Variants in SLC41A3 observed in about 807,000 individuals in gnomAD.
The protein encoded by SLC41A3 is solute carrier family 41 member 3.
A neutral mutation model predicts 45.4 loss-of-function variants in SLC41A3; 44 were observed. The ratio of observed to expected loss-of-function variants is 0.97; its 90% CI spans 0.76 to 1.25. SLC41A3 has a LOEUF of 1.25. Ranked by LOEUF, SLC41A3 falls within the 50% of genes most tolerant of loss-of-function variation. SLC41A3 has a pLI of 0.00. For missense variants in SLC41A3, 550 were observed against 600.6 expected, an observed-to-expected ratio of 0.92 and a Z score of 0.88; for synonymous variants, 256 against 252.4, an observed-to-expected ratio of 1.01 and a Z score of -0.13.
At chr3:126,048,208 G>C (rs192252441) in intron 3 of SLC41A3, among the ~76,000 whole-genome samples, 1 of 152,162 alleles carries the variant, frequency 6.6e-6, no homozygotes, top group Admixed American at 6.5e-5. Flanking sequence ...TTACAACATT[G>C]ACTTTTGCCA....
At chr3:126,044,137 G>C (rs1942787208) in intron 3 of SLC41A3, among the ~76,000 whole-genome samples, 1 of 152,186 alleles carries the variant, frequency 6.6e-6, no homozygotes, top group African/African-American at 2.4e-5. Context: ...AGCAAAAGAG[G>C]GCAGAGGTGG....
rs147244806 is a variant in SLC41A3 at position 126,044,419 on chromosome 3, A to G, written c.381+6524T>C. 1.4e-4 allele frequency among the ~76,000 whole-genome samples: 22 copies of G among 152,372 alleles called. 3 individuals are homozygous for G. The highest frequency in any genetic ancestry group is 5.3e-4 in the African/African-American group (22 of 41,592). On this transcript the variant is annotated intron_variant, in intron 3 of 10. Coordinates refer to ENST00000360370, the MANE Select transcript of SLC41A3 (RefSeq NM_017836.4). Reference sequence around the variant, plus strand: ...TACAACAACCAGACAGAAGATCAGTAAGGAAACAGACGGTTTGAATAACAC... The same window carrying G: ...TACAACAACCAGACAGAAGATCAGTGAGGAAACAGACGGTTTGAATAACAC...
At chr3:126,083,627 G>A (rs1297365697) in intron 1 of SLC41A3, among the ~76,000 whole-genome samples, 1 of 152,006 alleles carries the variant, frequency 6.6e-6, no homozygotes, top group Non-Finnish European at 1.5e-5. Flanking sequence ...GCGCGCGGGC[G>A]CTGCAGGAGT....
chr3:126,013,786 T>C (rs1388009823), intron 8 of SLC41A3, among the ~76,000 whole-genome samples: 3 of 152,106 alleles, frequency 2.0e-5, no homozygotes, highest in African/African-American at 4.8e-5. Flanking sequence ...CCCACATTCA[T>C]AGATGCTTTG....
chr3:126,087,345 A>G (rs1359532666), upstream of SLC41A3, among the ~76,000 whole-genome samples: 3 of 152,114 alleles, frequency 2.0e-5, no homozygotes, highest in Admixed American at 6.5e-5. Context: ...AGTTTTTGTT[A>G]ATAATCCAGG....
At chr3:126,012,919 G>A (rs1368065151) in intron 8 of SLC41A3, among the ~76,000 whole-genome samples, 170 bp from the exon 9 acceptor site, 1 of 152,146 alleles carries the variant, frequency 6.6e-6, no homozygotes, top group Non-Finnish European at 1.5e-5. Context: ...GCAAGTCAGG[G>A]TGGCCCAGAG....
chr3:126,083,158 T>A (rs1945248293), intron 1 of SLC41A3, among the ~76,000 whole-genome samples: 1 of 151,920 alleles, frequency 6.6e-6, no homozygotes, highest in Non-Finnish European at 1.5e-5. Flanking sequence ...AGCCCTAAGG[T>A]TTCAGATCAA....
At chr3:126,035,031 C>A (rs892529213) in intron 3 of SLC41A3, among the ~76,000 whole-genome samples, 1 of 152,068 alleles carries the variant, frequency 6.6e-6, no homozygotes, top group Non-Finnish European at 1.5e-5. Context: ...GGAAGTGAGA[C>A]CAAGAGGTAA....
At chr3:126,017,623 G>C (rs1940437668) in intron 6 of SLC41A3, among the ~76,000 whole-genome samples, 1 of 152,206 alleles carries the variant, frequency 6.6e-6, no homozygotes, top group Non-Finnish European at 1.5e-5. Context: ...GACAGAACAA[G>C]ACACTGGCTT....
intron 8 of SLC41A3, among the ~76,000 whole-genome samples, chr3:126,013,530 T>G (rs1458099396): frequency 6.7e-6 from 1 of 149,564 alleles, no homozygotes; most frequent in Admixed American, 6.7e-5. Flanking sequence ...GCCACTGCAC[T>G]CCAGCCTGGG....
intron 7 of SLC41A3, among the ~76,000 whole-genome samples, chr3:126,016,377 C>A (rs1172119560): frequency 1.3e-5 from 2 of 152,238 alleles, no homozygotes; most frequent in African/African-American, 2.4e-5. Flanking sequence ...GCCACCTAAG[C>A]AGGGATCTGG....
chr3:126,067,114 G>GC (rs1433322048), intron 2 of SLC41A3, among the ~76,000 whole-genome samples: 1 of 54,308 alleles, frequency 1.8e-5, no homozygotes, highest in African/African-American at 8.0e-5. Flanking sequence ...CCCCGCCCCG[G>GC]CCACCGCACC....
At chr3:126,083,680 C>T (rs1945280804) in intron 1 of SLC41A3, among the ~76,000 whole-genome samples, 1 of 151,982 alleles carries the variant, frequency 6.6e-6, no homozygotes, top group Non-Finnish European at 1.5e-5. Context: ...CTGAGCAGGC[C>T]AGGAAGGAGG....
chr3:126,029,490 G>A (rs1553728763), intron 4 of SLC41A3, among the ~76,000 whole-genome samples: 1 of 152,012 alleles, frequency 6.6e-6, no homozygotes, highest in Non-Finnish European at 1.5e-5. Flanking sequence ...CCAGTATCAT[G>A]CTTCCTGTAC....
intron 3 of SLC41A3, 110 bp downstream of exon 3, chr3:126,050,833 C>T: frequency 7.0e-7 from 1 of 1,423,048 alleles, no homozygotes; most frequent in East Asian, 2.6e-5. Context: ...CCAGAAATAT[C>T]CATTGTTTTG....
intron 1 of SLC41A3, among the ~76,000 whole-genome samples, chr3:126,075,462 C>G (rs1180870321): frequency 6.6e-6 from 1 of 151,544 alleles, no homozygotes; most frequent in Non-Finnish European, 1.5e-5. Flanking sequence ...TTCTCCCTCC[C>G]TCCCTCCCTT....
intron 1 of SLC41A3, among the ~76,000 whole-genome samples, chr3:126,081,286 C>T (rs1945137960): frequency 6.6e-6 from 1 of 152,140 alleles, no homozygotes; most frequent in African/African-American, 2.4e-5. Flanking sequence ...CATGGCCTCA[C>T]TCATATGTGA....
intron 1 of SLC41A3, among the ~76,000 whole-genome samples, chr3:126,097,711 A>G (rs1945631242): frequency 6.6e-6 from 1 of 152,192 alleles, no homozygotes; most frequent in Admixed American, 6.5e-5. Flanking sequence ...TGCATGAAAA[A>G]TAAACTGGCA....
chr3:126,021,929 C>T (rs1940919331), intron 6 of SLC41A3, among the ~76,000 whole-genome samples: 1 of 152,146 alleles, frequency 6.6e-6, no homozygotes, highest in Non-Finnish European at 1.5e-5. Flanking sequence ...TATTATTGTT[C>T]ATTGTATCAC....
Sources: gnomAD v4.1 joint callset for allele counts (sites outside exome capture counted in the v4.1 genomes callset) on GRCh38, gnomAD v4.1.1 for gene constraint, MANE v1.5 for transcripts, NCBI Gene and HGNC (gene_info 2026-07-23, HGNC 2026-07-21) for gene names.